Variants in SCLY observed in about 807,000 individuals in gnomAD.
The protein encoded by SCLY is putative selenocysteine lyase.
A neutral mutation model predicts 50.1 loss-of-function variants in SCLY; 38 were observed. That is an observed-to-expected ratio of 0.76 (90% CI 0.59 to 0.99). The LOEUF is 0.99. Ranked by LOEUF, SCLY falls within the 50% of genes least tolerant of loss-of-function variation. The probability of loss-of-function intolerance (pLI) is 0.00; values close to 1 mark genes in which losing one functional copy is unlikely to be tolerated. For missense variants in SCLY, 600 were observed against 620.0 expected (o/e 0.97, Z 0.34); for synonymous variants, 243 against 249.4 (o/e 0.97, Z 0.24).
At chr2:238,086,235 A>G (rs1158162395) in intron 7 of SCLY, among the ~76,000 whole-genome samples, 3 of 152,260 alleles carry the variant, frequency 2.0e-5, no homozygotes, top group East Asian at 1.9e-4. Context: ...CACCAAATAC[A>G]ATAGGCTTTC....
Position 238,098,702 on chromosome 2 carries a change from T to G in SCLY, c.*347T>G. The stretch of plus-strand genomic sequence containing the variant: ...GGTGAAGCGGAAACACTTAGCTTTA[T>G]CCACCCTCCCCACTGGGAACTGGGC... On this transcript the variant is annotated 3_prime_UTR_variant, in exon 12 of 12. Coordinates refer to ENST00000254663, the MANE Select transcript of SCLY (RefSeq NM_016510.7). 2.5e-6 allele frequency: 1 copy of G among 395,794 alleles called. No individual in the cohort carries two copies. The highest frequency in any genetic ancestry group is 3.5e-5 in the East Asian group (1 of 28,230). The allele number at this position is 395,794 out of a possible 1,614,324, so 24.5% of individuals were successfully genotyped here.
intron 8 of SCLY, 182 bp downstream of exon 8, chr2:238,091,436 T>C (rs1256840386): frequency 2.3e-5 from 15 of 652,290 alleles, no homozygotes; most frequent in Non-Finnish European, 4.2e-5. Flanking sequence ...GATCTGTGGA[T>C]TAGTGGCACT....
chr2:238,068,505 C>T (rs1028694637), intron 3 of SCLY, among the ~76,000 whole-genome samples: 2 of 152,128 alleles, frequency 1.3e-5, no homozygotes, highest in South Asian at 2.1e-4. Context: ...GCTATGATCA[C>T]GCTGTTGCAC....
chr2:238,073,908 T>C, intron 4 of SCLY: 1 of 399,610 alleles, frequency 2.5e-6, no homozygotes, highest in Admixed American at 2.9e-5. Flanking sequence ...TACTTTATTG[T>C]GAGAATATAG....
At chr2:238,082,819 C>G (rs1002026701) in intron 6 of SCLY, 1 of 267,914 alleles carries the variant, frequency 3.7e-6, no homozygotes, top group African/African-American at 2.2e-5. Flanking sequence ...CACTGGCACT[C>G]CAGAGTTCTG....
chr2:238,097,736 A>G (rs914851741), intron 11 of SCLY, among the ~76,000 whole-genome samples: 2 of 152,096 alleles, frequency 1.3e-5, no homozygotes, highest in Non-Finnish European at 2.9e-5. Flanking sequence ...GCCTTGCTTC[A>G]GGATGTCCCC....
Position 238,061,065 on chromosome 2 carries a change from C to G in SCLY, c.11C>G (p.Ala4Gly). 1 of 1,388,864 alleles carries G rather than the reference C, an allele frequency of 7.2e-7. No individual in the cohort carries two copies. 86.0% of individuals were successfully genotyped at this position (1,388,864 alleles called of 1,614,324 possible). A position where few individuals can be genotyped will look rare whatever the true frequency, so the allele number is the denominator to read the frequency against. The change falls in exon 1 of 12, where the codon GCC becomes GGC. Residue 4 changes from alanine to glycine, a missense_variant. Ala to Gly is a moderately conservative substitution (Grantham distance 60). Coordinates refer to ENST00000254663, the MANE Select transcript of SCLY (RefSeq NM_016510.7). MEA[A>G]VAPGRDAPAP... ...AGCAGTGGGGCGGGGATGGAGGCGGCCGTGGCGCCGGGGAGGGATGCGCCG... is the reference window on the plus strand; with the variant it reads ...AGCAGTGGGGCGGGGATGGAGGCGGGCGTGGCGCCGGGGAGGGATGCGCCG...
chr2:238,075,775 A>G (rs760729616), intron 4 of SCLY, among the ~76,000 whole-genome samples: 5 of 152,066 alleles, frequency 3.3e-5, no homozygotes, highest in Non-Finnish European at 5.9e-5. Flanking sequence ...CAATTTAGCT[A>G]AAGATTTATC....
chr2:238,093,930 G>A lies in SCLY; in HGVS notation c.991G>A (p.Glu331Lys), dbSNP rs1293325145. 14 of 1,613,850 alleles carry A rather than the reference G, an allele frequency of 8.7e-6. No homozygotes were observed. The East Asian group carries it at 2.9e-4, about 33-fold the overall frequency. Residue 331 changes from glutamate to lysine, a missense_variant, in exon 9 of 12, where the codon GAA becomes AAA. Transcript: ENST00000254663. ...CATGAGGGACGTCCGCGACTACCTGGAAGAGAGGCTGGAAGTGAGCGCAGC... is the reference window on the plus strand; with the variant it reads ...CATGAGGGACGTCCGCGACTACCTGAAAGAGAGGCTGGAAGTGAGCGCAGC... ...AHMRDVRDYL[E>K]ERLEAEFGQK...
chr2:238,081,644 T>G (rs1306029140), intron 4 of SCLY, 65 bp from the exon 5 acceptor site: 2 of 1,572,692 alleles, frequency 1.3e-6, no homozygotes, highest in Non-Finnish European at 1.7e-6. Context: ...TAAGCTCTGT[T>G]GGAACGCAGT....
intron 11 of SCLY, among the ~76,000 whole-genome samples, chr2:238,097,445 C>A (rs1017007992): frequency 2.6e-5 from 4 of 152,228 alleles, no homozygotes; most frequent in African/African-American, 9.6e-5. Flanking sequence ...CGTGAGGCCC[C>A]TGTGGGAGGT....
chr2:238,062,369 C>A (rs1003555347), intron 1 of SCLY, among the ~76,000 whole-genome samples: 1 of 150,728 alleles, frequency 6.6e-6, no homozygotes, highest in Non-Finnish European at 1.5e-5. Flanking sequence ...TAAAGGATGG[C>A]GAGTCAAACT....
At position 238,083,212 on chromosome 2, in the gene SCLY, G is replaced by A; in HGVS notation, c.778-36G>A. ...TGTATACAGAGTAGGTCCTTGGAAA[G>A]TTCTTGTTGAATAAATGACCAACTT... is the stretch of plus-strand genomic sequence containing the variant. On this transcript the variant is annotated intron_variant, in intron 6 of 11. Transcript: ENST00000254663. This position sits in a 1 kb window ranked among gnomAD's most constrained non-coding sequence, Gnocchi z 4.3. 6.9e-7 allele frequency: 1 copy of A among 1,450,932 alleles called. No individual in the cohort carries two copies. The allele number at this position is 1,450,932 out of a possible 1,614,324, so 89.9% of individuals were successfully genotyped here.
At chr2:238,077,975 G>A (rs753687073) in intron 4 of SCLY, among the ~76,000 whole-genome samples, 34 of 145,238 alleles carry the variant, frequency 2.3e-4, no homozygotes, top group South Asian at 8.6e-4. Flanking sequence ...TTTTTTAGAC[G>A]GAATCTCGCT....
intron 8 of SCLY, chr2:238,091,528 A>ACCTCCG: frequency 1.1e-5 from 5 of 466,964 alleles, no homozygotes; most frequent in Admixed American, 6.9e-5. Flanking sequence ...AGCAGAGGTG[A>ACCTCCG]AGTGTCAAGC....
intron 7 of SCLY, among the ~76,000 whole-genome samples, chr2:238,087,261 A>T (rs1274266656): frequency 6.6e-6 from 1 of 152,040 alleles, no homozygotes. Flanking sequence ...CCCAGGACAG[A>T]CCTCTAGCAA....
At chr2:238,068,615 C>G (rs1237087359) in intron 3 of SCLY, among the ~76,000 whole-genome samples, 1 of 152,078 alleles carries the variant, frequency 6.6e-6, no homozygotes, top group Non-Finnish European at 1.5e-5. Context: ...TAGTATATAT[C>G]CTTTAAGTAA....
At chr2:238,086,573 G>A (rs1331802193) in intron 7 of SCLY, among the ~76,000 whole-genome samples, 1 of 151,838 alleles carries the variant, frequency 6.6e-6, no homozygotes, top group African/African-American at 2.4e-5. Context: ...CGACATGGCA[G>A]TGCGTGCCTG....
At chr2:238,088,579 G>C (rs189750373) in intron 7 of SCLY, among the ~76,000 whole-genome samples, 166 of 152,262 alleles carry the variant, frequency 1.1e-3, no homozygotes, top group Non-Finnish European at 1.8e-3. Context: ...GGAGTTCAAG[G>C]CCAGCCTAGG....
Sources: allele counts gnomAD v4.1 joint callset (sites outside exome capture counted in the v4.1 genomes callset), GRCh38; gene constraint gnomAD v4.1.1; non-coding constraint Gnocchi (gnomAD v3.1); transcripts MANE v1.5; gene names NCBI Gene and HGNC (gene_info 2026-07-23, HGNC 2026-07-21).